Variants in ENOX1 observed in about 807,000 individuals in gnomAD.
ENOX1 encodes the protein candidate growth-related and time keeping constitutive hydroquinone (NADH) oxidase.
In ENOX1, 42 loss-of-function variants were observed where a neutral mutation model predicts 82.5. The ratio of observed to expected loss-of-function variants is 0.51; its 90% CI spans 0.40 to 0.66. The LOEUF (loss-of-function observed/expected upper bound fraction) is 0.66, where lower values mean the gene tolerates loss of function less well. ENOX1 is among the 30% of genes least tolerant of loss of function. The pLI is 0.00. For missense variants in ENOX1, 608 were observed against 811.6 expected, an observed-to-expected ratio of 0.75 and a Z score of 3.05; for synonymous variants, 271 against 282.2, an observed-to-expected ratio of 0.96 and a Z score of 0.40.
chr13:43,537,613 GAAGT>G (rs2078521413), intron 2 of ENOX1, among the ~76,000 whole-genome samples: 1 of 152,188 alleles, frequency 6.6e-6, no homozygotes, highest in Admixed American at 6.5e-5. Flanking sequence ...TTGTTTCTGT[GAAGT>G]AAGACAACTA....
chr13:43,249,220 A>G (rs2043310349), intron 14 of ENOX1, among the ~76,000 whole-genome samples: 1 of 152,230 alleles, frequency 6.6e-6, no homozygotes, highest in South Asian at 2.1e-4. Context: ...AAACTGTTGT[A>G]GTATTTTATT....
intron 1 of ENOX1, among the ~76,000 whole-genome samples, chr13:43,749,440 C>T (rs1418912388): frequency 6.6e-6 from 1 of 152,128 alleles, no homozygotes; most frequent in East Asian, 1.9e-4. Context: ...GCTTTTTTAC[C>T]TTTGAACAGG....
At chr13:43,549,941 C>G (rs965136554) in intron 2 of ENOX1, among the ~76,000 whole-genome samples, 7 of 152,138 alleles carry the variant, frequency 4.6e-5, no homozygotes, top group African/African-American at 1.4e-4. Flanking sequence ...CACCAGGGAC[C>G]AGTTTTGTGG....
intron 2 of ENOX1, among the ~76,000 whole-genome samples, chr13:43,599,959 C>T (rs2081631442): frequency 6.6e-6 from 1 of 151,856 alleles, no homozygotes; most frequent in Non-Finnish European, 1.5e-5. Context: ...AGGACCCAAT[C>T]TTGGGTAATT....
intron 2 of ENOX1, among the ~76,000 whole-genome samples, chr13:43,648,205 C>G (rs7321313): frequency 2.0e-5 from 3 of 152,208 alleles, no homozygotes; most frequent in African/African-American, 4.8e-5. Context: ...TGGGACTATT[C>G]TGTAGGGTTA....
At chr13:43,408,920 T>A (rs983011048) in intron 5 of ENOX1, among the ~76,000 whole-genome samples, 2 of 150,586 alleles carry the variant, frequency 1.3e-5, no homozygotes, top group Non-Finnish European at 3.0e-5. Context: ...AAATGAAAAA[T>A]TAAATATAAA....
intron 2 of ENOX1, among the ~76,000 whole-genome samples, chr13:43,492,825 C>T (rs1042811962): frequency 6.6e-6 from 1 of 152,080 alleles, no homozygotes; most frequent in Non-Finnish European, 1.5e-5. Context: ...CTTGGCTAGG[C>T]CATGGTACCT....
intron 12 of ENOX1, among the ~76,000 whole-genome samples, chr13:43,286,060 C>G (rs1024687630): frequency 6.6e-6 from 1 of 152,164 alleles, no homozygotes; most frequent in Non-Finnish European, 1.5e-5. Context: ...TTACATCAGT[C>G]TGGCTGGGAG....
chr13:43,771,022 G>A (rs1951563888), intron 1 of ENOX1, among the ~76,000 whole-genome samples: 1 of 152,060 alleles, frequency 6.6e-6, no homozygotes, highest in South Asian at 2.1e-4. Context: ...ATTCCATGAT[G>A]AAGCAATGAA....
At chr13:43,317,810 C>T (rs1419734799) in intron 11 of ENOX1, among the ~76,000 whole-genome samples, 1 of 151,670 alleles carries the variant, frequency 6.6e-6, no homozygotes, top group Non-Finnish European at 1.5e-5. Flanking sequence ...TCGAGACCAT[C>T]CTGGCTAACA....
intron 2 of ENOX1, among the ~76,000 whole-genome samples, chr13:43,613,581 A>G (rs910601296): frequency 3.3e-5 from 5 of 152,344 alleles, no homozygotes; most frequent in Middle Eastern, 3.4e-3. Context: ...CAGAAATGAA[A>G]GAGGAGGGAT....
chr13:43,539,523 TTAAA>T (rs1269045875), intron 2 of ENOX1, among the ~76,000 whole-genome samples: 4 of 152,218 alleles, frequency 2.6e-5, no homozygotes, highest in Non-Finnish European at 5.9e-5. Flanking sequence ...GTCTTGTAGC[TTAAA>T]TAAATTATGA....
intron 16 of ENOX1, among the ~76,000 whole-genome samples, chr13:43,222,768 C>G (rs2041855364): frequency 6.6e-6 from 1 of 152,170 alleles, no homozygotes; most frequent in African/African-American, 2.4e-5. Flanking sequence ...GCAGAGAAAT[C>G]CTTCAAATCT....
chr13:43,466,221 A>G (rs1449390059), intron 3 of ENOX1, among the ~76,000 whole-genome samples: 1 of 152,134 alleles, frequency 6.6e-6, no homozygotes, highest in African/African-American at 2.4e-5. Context: ...GAGAAAAACT[A>G]TATGACGATT....
intron 5 of ENOX1, among the ~76,000 whole-genome samples, chr13:43,361,930 C>G (rs1482509087): frequency 6.7e-6 from 1 of 148,918 alleles, no homozygotes; most frequent in Non-Finnish European, 1.5e-5. Flanking sequence ...TATGTGCATA[C>G]TTTATAATGA....
chr13:43,515,869 A>G (rs1184062399), intron 2 of ENOX1, among the ~76,000 whole-genome samples: 2 of 152,164 alleles, frequency 1.3e-5, no homozygotes, highest in Admixed American at 6.5e-5. Context: ...CATGCCATGT[A>G]TGCCCTCCTA....
intron 15 of ENOX1, among the ~76,000 whole-genome samples, chr13:43,230,298 A>G (rs2042221255): frequency 6.6e-6 from 1 of 152,118 alleles, no homozygotes; most frequent in South Asian, 2.1e-4. Flanking sequence ...TGCAAGTCAG[A>G]CTGGAGGAGG....
intron 5 of ENOX1, among the ~76,000 whole-genome samples, chr13:43,400,455 A>C (rs1355955311): frequency 1.3e-5 from 2 of 152,162 alleles, no homozygotes; most frequent in African/African-American, 4.8e-5. Context: ...TAAACTTTAA[A>C]AATTCCAAGT....
At chr13:43,783,011 G>A (rs1952363884) in intron 1 of ENOX1, among the ~76,000 whole-genome samples, 1 of 152,174 alleles carries the variant, frequency 6.6e-6, no homozygotes, top group Admixed American at 6.5e-5. Context: ...TACACCAACA[G>A]TATGTCCATT....
Sources: gnomAD v4.1 joint callset for allele counts (sites outside exome capture counted in the v4.1 genomes callset) on GRCh38, gnomAD v4.1.1 for gene constraint, MANE v1.5 for transcripts, NCBI Gene and HGNC (gene_info 2026-07-23, HGNC 2026-07-21) for gene names.